Variants in OFD1 observed in about 807,000 individuals in gnomAD.
OFD1 encodes OFD1 centriole and centriolar satellite protein.
A neutral mutation model predicts 81.4 loss-of-function variants in OFD1; 12 were observed. That is an observed-to-expected ratio of 0.15 (90% CI 0.09 to 0.24). The LOEUF is 0.24. Ranked by LOEUF, OFD1 falls within the 10% of genes least tolerant of loss-of-function variation. OFD1 has a pLI of 1.00. For synonymous variants in OFD1, 256 were observed against 263.7 expected (o/e 0.97, Z 0.28); for missense variants, 685 against 733.9 (o/e 0.93, Z 0.77).
intron 6 of OFD1, among the ~76,000 whole-genome samples, chrX:13,745,738 C>A (rs1257506484): frequency 3.6e-5 from 4 of 111,968 alleles, no homozygotes; most frequent in Non-Finnish European, 7.5e-5. Flanking sequence ...TGATTCTGAT[C>A]CATAGTTGGT....
chrX:13,752,649 G>A (rs2047547813), intron 10 of OFD1: 6 of 938,317 alleles, frequency 6.4e-6, no homozygotes, highest in Non-Finnish European at 8.3e-6. Context: ...TAAAGTATGT[G>A]TGTTAATTTT....
chrX:13,750,418 C>T (rs1419084400), intron 9 of OFD1, among the ~76,000 whole-genome samples: 1 of 111,522 alleles, frequency 9.0e-6, no homozygotes, highest in East Asian at 2.8e-4. Context: ...GAGCCTTTAC[C>T]TGTTCTTAGA....
intron 5 of OFD1, among the ~76,000 whole-genome samples, chrX:13,742,854 A>G (rs756082616): frequency 8.1e-5 from 9 of 111,337 alleles, no homozygotes; most frequent in African/African-American, 2.6e-4. Context: ...TGAAAGACCC[A>G]GTGTCGAAAC....
At position 13,736,508 on chromosome X, in the gene OFD1, T is replaced by C. The variant is rs1273121543; in HGVS notation, c.142T>C (p.Leu48=). The change falls in exon 3 of 23, where the codon TTG becomes CTG. Residue 48 remains leucine (L), a synonymous_variant. Coordinates refer to ENST00000340096, the MANE Select transcript of OFD1 (RefSeq NM_003611.3). ...TQLRNQLIHE[L]MHPVLSGELQ... ...ACTTCGAAACCAGCTAATTCATGAG[T>C]TGATGCACCCTGTATTGAGTGGAGA... 2 of 1,211,589 alleles carry C rather than the reference T, an allele frequency of 1.7e-6. No homozygotes were observed. The highest frequency in any genetic ancestry group is 4.3e-5 in the Admixed American group (2 of 46,068).
intron 15 of OFD1, 66 bp from the exon 16 acceptor site, chrX:13,760,049 T>C: frequency 2.5e-6 from 3 of 1,184,035 alleles, no homozygotes; most frequent in Non-Finnish European, 3.4e-6. Flanking sequence ...AAAATAATAT[T>C]CTCAAGTATA....
intron 12 of OFD1, among the ~76,000 whole-genome samples, 196 bp from the exon 13 acceptor site, chrX:13,756,382 A>G (rs746500958): frequency 3.6e-5 from 4 of 112,035 alleles, no homozygotes; most frequent in Non-Finnish European, 7.5e-5. Flanking sequence ...GATGCGGCCT[A>G]TAAAAGTTCT....
Position 13,759,954 on chromosome X carries a change from A to G in OFD1, c.1655-161A>G, listed in dbSNP as rs190215994. 4.4e-5 allele frequency among the ~76,000 whole-genome samples: 5 copies of G among 112,585 alleles called. No individual in the cohort carries two copies. The East Asian group carries it at 1.4e-3, about 31-fold the overall frequency. The stretch of plus-strand genomic sequence containing the variant: ...GCTGTAGCTGGTACAATAAGCTCTC[A>G]GTAAATGTTAGTGGTTATCGTTACC... On this transcript the variant is annotated intron_variant, in intron 15 of 22. Transcript: ENST00000340096.
the OFD1 span, among the ~76,000 whole-genome samples, chrX:13,724,375 T>G: frequency 1.0e-5 from 1 of 96,908 alleles, no homozygotes; most frequent in Admixed American, 1.2e-4. Context: ...AGGCCTACAA[T>G]GAGTTGAAGT....
At chrX:13,727,808 G>A in the OFD1 span, among the ~76,000 whole-genome samples, 4 of 111,811 alleles carry the variant, frequency 3.6e-5, no homozygotes, top group Non-Finnish European at 7.5e-5. Flanking sequence ...AATGAATCCA[G>A]GAGCTGGTTT....
the OFD1 span, among the ~76,000 whole-genome samples, chrX:13,723,680 C>G: frequency 9.0e-6 from 1 of 110,979 alleles, no homozygotes; most frequent in East Asian, 2.8e-4. Flanking sequence ...AGAGGCTTGG[C>G]CCAGAGGTGT....
At chrX:13,767,994 A>G (rs2048197261) in intron 20 of OFD1, 60 bp from the exon 21 acceptor site, 3 of 1,099,706 alleles carry the variant, frequency 2.7e-6, no homozygotes, top group Non-Finnish European at 3.7e-6. Flanking sequence ...GCATTTTTAA[A>G]ACACTTAAAA....
chrX:13,762,520 G>A, intron 18 of OFD1, 76 bp downstream of exon 18: 1 of 640,971 alleles, frequency 1.6e-6, no homozygotes, highest in Non-Finnish European at 2.5e-6. Flanking sequence ...CGTATCCATT[G>A]GTTTAAAAAG....
chrX:13,720,332 C>G, the OFD1 span: 1 of 124,653 alleles, frequency 8.0e-6, no homozygotes, highest in Admixed American at 8.8e-5. Flanking sequence ...TGGACTGGAC[C>G]AGTTAGTAGC....
At chrX:13,751,078 T>C (rs2047483582) in intron 9 of OFD1, among the ~76,000 whole-genome samples, 171 bp from the exon 10 acceptor site, 1 of 112,241 alleles carries the variant, frequency 8.9e-6, no homozygotes, top group African/African-American at 3.2e-5. Context: ...ATGCTGTAAC[T>C]AGGTCAGTTC....
chrX:13,720,432 C>G, the OFD1 span: 2 of 112,065 alleles, frequency 1.8e-5, no homozygotes, highest in South Asian at 7.5e-4. Context: ...AATTACCTTG[C>G]CTTAGAAATT....
rs542567069 is a variant in OFD1, at chrX:13,768,656, A to G, written c.2929-62A>G. 4.6e-5 allele frequency: 40 copies of G among 866,715 alleles called. No homozygotes were observed. The Admixed American group carries it at 8.7e-4, about 19-fold the overall frequency. The allele number at this position is 866,715 out of a possible 1,213,427, so 71.4% of individuals were successfully genotyped here. ...TATATATTTCAAAAATGGTTCTTAA[A>G]GTATTTCATGAAATTAATGCATATC... On this transcript the variant is annotated intron_variant, in intron 21 of 22. Transcript: ENST00000340096.
In OFD1 at chrX:13,749,410, A is replaced by T; in HGVS notation, c.829-17A>T. On this transcript the variant is annotated splice_polypyrimidine_tract_variant and intron_variant, in intron 8 of 22. Coordinates refer to ENST00000340096, the MANE Select transcript of OFD1 (RefSeq NM_003611.3). ...TTCATTAGCTTGCTTGCTAAAAATT[A>T]ATGCTTTTCTATACAGATTGAAACA... 1 of 1,022,400 alleles carries T rather than the reference A, an allele frequency of 9.8e-7. No homozygotes were observed. Among genetic ancestry groups the T allele is most frequent in the Non-Finnish European group, 1.4e-6 (1 of 723,369 alleles). 84.3% of individuals were successfully genotyped at this position (1,022,400 alleles called of 1,213,427 possible).
At chrX:13,739,311 A>T (rs2046996512) in intron 5 of OFD1, 2 of 320,386 alleles carry the variant, frequency 6.2e-6, no homozygotes, top group Admixed American at 1.1e-4. Context: ...AAAAAAAAAA[A>T]AAACTAATAA....
At chrX:13,731,447 C>G (rs1281413842), upstream of OFD1, among the ~76,000 whole-genome samples, 1 of 112,293 alleles carries the variant, frequency 8.9e-6, no homozygotes, top group Non-Finnish European at 1.9e-5. Context: ...ACAAGTCATA[C>G]CAAATTTACA....
Sources: allele counts gnomAD v4.1 joint callset (sites outside exome capture counted in the v4.1 genomes callset), GRCh38; gene constraint gnomAD v4.1.1; transcripts MANE v1.5; gene names NCBI Gene and HGNC (gene_info 2026-07-23, HGNC 2026-07-21).